CD96: variants seen among roughly 807,000 people sequenced by gnomAD.
The protein encoded by CD96 is CD96 molecule.
In CD96, 70 loss-of-function variants were observed where a neutral mutation model predicts 71.3. The observed-to-expected ratio is 0.98, with a 90% CI of 0.81 to 1.20. CD96 has a LOEUF of 1.20. Among genes scored for constraint, CD96 ranks in the 50% most tolerant of loss-of-function variants. The pLI is 0.00. For missense variants in CD96, 742 were observed against 677.5 expected, an observed-to-expected ratio of 1.10 and a Z score of -1.06; for synonymous variants, 248 against 233.0, an observed-to-expected ratio of 1.06 and a Z score of -0.59.
Position 111,579,126 on chromosome 3 carries a change from C to A in CD96, c.643C>A (p.Leu215Ile). 1.3e-6 allele frequency: 2 copies of A among 1,589,724 alleles called. No homozygotes were observed. Among genetic ancestry groups the A allele is most frequent in the Non-Finnish European group, 1.7e-6 (2 of 1,157,722 alleles). The change falls in exon 4 of 14, where the codon CTC (leucine) becomes ATC (isoleucine). Residue 215 changes from leucine (L) to isoleucine (I), a missense_variant. Transcript: ENST00000352690. ...AGTCAAGCTTGGTACAGACTACAGA[C>A]TCCACCTCTCTCCAGTCCAAATCTT... ...DRVKLGTDYR[L>I]HLSPVQIFDD...
intron 14 of CD96, among the ~76,000 whole-genome samples, chr3:111,662,693 C>T (rs1172337012): frequency 6.6e-5 from 10 of 152,190 alleles, no homozygotes; most frequent in Admixed American, 6.5e-4. Context: ...CAAAAGTTAC[C>T]TTTACTCCAG....
Position 111,647,088 on chromosome 3 carries a change from T to TAA in CD96, c.1478-435_1478-434dup, listed in dbSNP as rs11337310. 1.9e-3 allele frequency among the ~76,000 whole-genome samples: 186 copies of TAA among 98,896 alleles called. 2 individuals carry two copies. The highest frequency in any genetic ancestry group is 5.8e-3 in the African/African-American group (160 of 27,432). The allele number at this position is 98,896 out of a possible 152,430, so 64.9% of individuals were successfully genotyped here. On this transcript the variant is annotated intron_variant, in intron 12 of 13. Coordinates refer to ENST00000352690, the MANE Select transcript of CD96 (RefSeq NM_005816.5). ...TGAAGGTTGAGAGGAGGGTAAAGATTAAAAAAAAAAAAAAAAAAAAACCCT... is the reference window on the plus strand; with the variant it reads ...TGAAGGTTGAGAGGAGGGTAAAGATTAAAAAAAAAAAAAAAAAAAAAAACCCT...
intron 2 of CD96, among the ~76,000 whole-genome samples, chr3:111,562,164 GTCT>G (rs984590163): frequency 6.6e-6 from 1 of 152,186 alleles, no homozygotes; most frequent in Non-Finnish European, 1.5e-5. Context: ...GAAATCACCG[GTCT>G]TCTGCGTCGC....
chr3:111,545,310 C>A lies in CD96; in HGVS notation c.326C>A (p.Ser109Tyr). ...SKWTLHLRNM[S>Y]CSVSGRYECM... is the part of the protein sequence containing the mutation. ...TGGACTCTGCACTTAAGGAATATGT[C>A]TTGTTCAGTCAGTGGAAGGTACGAG... Residue 109 changes from serine (S) to tyrosine (Y), a missense_variant, in exon 2 of 14, where the codon TCT becomes TAT. By Grantham distance (144) the Ser-to-Tyr change is moderately radical. Coordinates refer to ENST00000352690, the MANE Select transcript of CD96 (RefSeq NM_005816.5). The A allele has an allele frequency of 6.2e-7, 1 of 1,614,070 alleles. No homozygotes were observed. Among genetic ancestry groups the A allele is most frequent in the South Asian group, 1.1e-5 (1 of 91,082 alleles).
intron 7 of CD96, among the ~76,000 whole-genome samples, chr3:111,604,875 T>C (rs1937580981): frequency 6.6e-6 from 1 of 150,484 alleles, no homozygotes; most frequent in African/African-American, 2.5e-5. Flanking sequence ...GACAATAGGT[T>C]AAAAGAAAAA....
At chr3:111,595,773 T>A (rs1937228072) in intron 5 of CD96, among the ~76,000 whole-genome samples, 1 of 151,724 alleles carries the variant, frequency 6.6e-6, no homozygotes, top group African/African-American at 2.4e-5. Context: ...CATATTTAGA[T>A]TGAGAAGGAA....
At chr3:111,553,997 C>A (rs1243921238) in intron 2 of CD96, among the ~76,000 whole-genome samples, 1 of 151,718 alleles carries the variant, frequency 6.6e-6, no homozygotes, top group African/African-American at 2.4e-5. Flanking sequence ...TACTCTTTTC[C>A]CTTATTGGTC....
In CD96 at chr3:111,567,509, A is replaced by G. The variant is rs749286076; in HGVS notation, c.419-14A>G. 6.2e-7 allele frequency: 1 copy of G among 1,603,076 alleles called. No homozygotes were observed. The highest frequency in any genetic ancestry group is 8.5e-7 in the Non-Finnish European group (1 of 1,170,312). On this transcript the variant is annotated splice_polypyrimidine_tract_variant and intron_variant, in intron 2 of 13. Transcript: ENST00000352690. ...CAGAGATTCACATATTTTCTACCTT[A>G]TGTTTTGTTACAGTTACAGCAGATG... is the stretch of plus-strand genomic sequence containing the variant.
rs112951636 is a variant in CD96, at chr3:111,643,218, T to A, written c.1478-4325T>A. Among the ~76,000 whole-genome samples, 1,201 of 151,722 alleles carry A rather than the reference T, an allele frequency of 7.9e-3. 18 individuals are homozygous for A. Among genetic ancestry groups the A allele is most frequent in the African/African-American group, 0.027 (1,115 of 41,354 alleles). ...AATGTGATACACCACATAAACAGAA[T>A]TAAAAACAAAAATCACATGATCATC... On this transcript the variant is annotated intron_variant, in intron 12 of 13. Transcript: ENST00000352690.
chr3:111,545,264 A>T lies in CD96; in HGVS notation c.280A>T (p.Thr94Ser). The change falls in exon 2 of 14, where the codon ACT becomes TCT. Residue 94 changes from threonine to serine, a missense_variant. Physicochemically the swap from Thr to Ser is moderately conservative, Grantham distance 58. Coordinates refer to ENST00000352690, the MANE Select transcript of CD96 (RefSeq NM_005816.5). ...PCESLVTFTE[T>S]PENGSKWTLH... ...TGAGTCACTTGTGACTTTCACAGAAACTCCTGAGAATGGGTCAAAATGGAC... is the reference window on the plus strand; with the variant it reads ...TGAGTCACTTGTGACTTTCACAGAATCTCCTGAGAATGGGTCAAAATGGAC... 6.2e-7 allele frequency: 1 copy of T among 1,614,034 alleles called. No individual in the cohort carries two copies. Among genetic ancestry groups the T allele is most frequent in the Non-Finnish European group, 8.5e-7 (1 of 1,179,940 alleles).
intron 6 of CD96, among the ~76,000 whole-genome samples, chr3:111,599,855 A>G (rs1473700190): frequency 1.3e-5 from 2 of 152,260 alleles, no homozygotes; most frequent in Non-Finnish European, 2.9e-5. Context: ...GCATTTAGCT[A>G]TTACTTTGGT....
chr3:111,662,625 G>C (rs548901742), intron 14 of CD96, among the ~76,000 whole-genome samples: 2 of 152,190 alleles, frequency 1.3e-5, no homozygotes, highest in South Asian at 4.1e-4. Context: ...TAAGTTCAAA[G>C]TTCCATAGGT....
At chr3:111,602,060 C>T (rs1937513720) in intron 7 of CD96, among the ~76,000 whole-genome samples, 1 of 152,202 alleles carries the variant, frequency 6.6e-6, no homozygotes, top group Non-Finnish European at 1.5e-5. Context: ...TAGCCTTACT[C>T]AACTTCATCT....
intron 10 of CD96, among the ~76,000 whole-genome samples, chr3:111,628,292 C>T (rs1412460517): frequency 6.6e-6 from 1 of 152,134 alleles, no homozygotes; most frequent in African/African-American, 2.4e-5. Flanking sequence ...TAAAACAATG[C>T]AGGAGTTGAC....
intron 8 of CD96, among the ~76,000 whole-genome samples, chr3:111,613,710 G>A (rs1938073928): frequency 6.6e-6 from 1 of 152,160 alleles, no homozygotes; most frequent in Admixed American, 6.5e-5. Flanking sequence ...CTAAGTCTGT[G>A]CTATGCCGAT....
chr3:111,550,242 T>C (rs1576301391), intron 2 of CD96, among the ~76,000 whole-genome samples: 1 of 152,142 alleles, frequency 6.6e-6, no homozygotes, highest in Non-Finnish European at 1.5e-5. Context: ...TAACAGGAAC[T>C]GTTTGATGGC....
intron 1 of CD96, among the ~76,000 whole-genome samples, chr3:111,542,755 C>G (rs111439792): frequency 2.0e-5 from 3 of 152,302 alleles, no homozygotes; most frequent in African/African-American, 7.2e-5. Flanking sequence ...TATTTCTCAT[C>G]CAAATACTAA....
At chr3:111,590,238 A>T (rs1006935316) in intron 5 of CD96, among the ~76,000 whole-genome samples, 6 of 152,216 alleles carry the variant, frequency 3.9e-5, no homozygotes, top group Non-Finnish European at 8.8e-5. Context: ...AAATGAGGGC[A>T]ATGGCTCCAA....
chr3:111,608,871 A>G (rs991821894), intron 8 of CD96, among the ~76,000 whole-genome samples: 1 of 152,240 alleles, frequency 6.6e-6, no homozygotes, highest in African/African-American at 2.4e-5. Flanking sequence ...CTGCCTTCAG[A>G]AAGGTTGCAG....
Sources: gnomAD v4.1 joint callset for allele counts (sites outside exome capture counted in the v4.1 genomes callset) on GRCh38, gnomAD v4.1.1 for gene constraint, MANE v1.5 for transcripts, NCBI Gene and HGNC (gene_info 2026-07-23, HGNC 2026-07-21) for gene names.